The following NOL4L variants were observed in gnomAD, a reference collection of about 807,000 sequenced individuals.
NOL4L encodes the protein nucleolar protein 4 like, also known as nucleolar protein 4-like.
In NOL4L, 7 loss-of-function variants were observed where a neutral mutation model predicts 64.5. The observed-to-expected ratio is 0.11, with a 90% CI of 0.06 to 0.20. The LOEUF (loss-of-function observed/expected upper bound fraction) is 0.20, where lower values mean the gene tolerates loss of function less well. Among genes scored for constraint, NOL4L ranks in the 10% least tolerant of loss-of-function variants. The pLI is 1.00. For missense variants in NOL4L, 680 were observed against 967.1 expected (o/e 0.70, Z 3.94); for synonymous variants, 413 against 401.0 (o/e 1.03, Z -0.36).
At chr20:32,517,834 C>A (rs988585704) in intron 3 of NOL4L, among the ~76,000 whole-genome samples, 1 of 152,210 alleles carries the variant, frequency 6.6e-6, no homozygotes, top group African/African-American at 2.4e-5. Context: ...CCCTCACCAC[C>A]CTGAAAGGAT....
At position 32,578,138 on chromosome 20, in the gene NOL4L, A is replaced by AGGAGGGAG. The variant is rs1203991256; in HGVS notation, c.321+6424_321+6431dup. On this transcript the variant is annotated intron_variant, in intron 1 of 10. Coordinates refer to ENST00000621426, the MANE Select transcript of NOL4L (RefSeq NM_001256798.2). The stretch of plus-strand genomic sequence containing the variant: ...AAGGAAGGAAGGAAGGAAGGAAGGA[A>AGGAGGGAG]GGAGGGAGGGAGGGAGGGAGGGAGG... 2.3e-3 allele frequency among the ~76,000 whole-genome samples: 113 copies of AGGAGGGAG among 50,208 alleles called. 1 individual carries two copies. Among genetic ancestry groups the AGGAGGGAG allele is most frequent in the African/African-American group, 6.5e-3 (54 of 8,332 alleles). 32.9% of individuals were successfully genotyped at this position (50,208 alleles called of 152,430 possible).
At chr20:32,448,311 T>G (rs1600613236) in intron 10 of NOL4L, among the ~76,000 whole-genome samples, 1 of 151,978 alleles carries the variant, frequency 6.6e-6, no homozygotes, top group South Asian at 2.1e-4. Context: ...ACCTGAGAGA[T>G]GCGTGTGGGG....
chr20:32,527,999 AC>A, intron 1 of NOL4L, 86 bp from the exon 2 acceptor site: 1 of 1,077,754 alleles, frequency 9.3e-7, no homozygotes, highest in Non-Finnish European at 1.3e-6. Context: ...AGGGGTCAGG[AC>A]GGGCAATGCC....
intron 3 of NOL4L, among the ~76,000 whole-genome samples, chr20:32,513,915 A>G (rs568495759): frequency 6.6e-6 from 1 of 152,322 alleles, no homozygotes; most frequent in East Asian, 1.9e-4. Flanking sequence ...TTTTACCATA[A>G]TTTAAAAAGG....
chr20:32,549,400 A>G (rs1371158036), intron 1 of NOL4L, among the ~76,000 whole-genome samples: 1 of 152,182 alleles, frequency 6.6e-6, no homozygotes, highest in African/African-American at 2.4e-5. Flanking sequence ...TGCAAATCAA[A>G]ACCATGGTGA....
chr20:32,473,468 C>A (rs2015166709), intron 5 of NOL4L, among the ~76,000 whole-genome samples: 1 of 152,190 alleles, frequency 6.6e-6, no homozygotes, highest in South Asian at 2.1e-4. Flanking sequence ...AGCACAAAAG[C>A]CTTTTCTTTG....
chr20:32,468,850 G>A (rs1362654004), intron 5 of NOL4L, among the ~76,000 whole-genome samples: 1 of 136,040 alleles, frequency 7.4e-6, no homozygotes, highest in East Asian at 2.3e-4. Context: ...AGTGAGCCGA[G>A]ATTACACCAT....
At chr20:32,500,863 T>C (rs2016896914) in intron 4 of NOL4L, among the ~76,000 whole-genome samples, 1 of 152,182 alleles carries the variant, frequency 6.6e-6, no homozygotes, top group Admixed American at 6.5e-5. Flanking sequence ...AATGAAGAAG[T>C]ATTGAATGAT....
At chr20:32,550,811 C>T (rs1016253777) in intron 1 of NOL4L, among the ~76,000 whole-genome samples, 1 of 151,864 alleles carries the variant, frequency 6.6e-6, no homozygotes, top group African/African-American at 2.4e-5. Flanking sequence ...ACCCAGGAGG[C>T]AGAGGTTGCA....
At chr20:32,456,020 G>C in intron 6 of NOL4L, 98 bp downstream of exon 6, 2 of 1,306,782 alleles carry the variant, frequency 1.5e-6, no homozygotes. Flanking sequence ...CACACACATG[G>C]GCTGGCTCCA....
At chr20:32,536,241 G>C in intron 1 of NOL4L, 1 of 985,164 alleles carries the variant, frequency 1.0e-6, no homozygotes. Flanking sequence ...AGTCACCGAA[G>C]GGGGGGTCCT....
At chr20:32,492,198 T>G (rs1467858796) in intron 4 of NOL4L, among the ~76,000 whole-genome samples, 1 of 152,132 alleles carries the variant, frequency 6.6e-6, no homozygotes, top group East Asian at 1.9e-4. Context: ...TGTCCACCAA[T>G]GAAGGATGGA....
Position 32,454,490 on chromosome 20 carries a change from C to T in NOL4L, c.1120-729G>A, listed in dbSNP as rs1402172779. On this transcript the variant is annotated intron_variant, in intron 6 of 10. Coordinates refer to ENST00000621426, the MANE Select transcript of NOL4L (RefSeq NM_001256798.2). Reference sequence around the variant, plus strand: ...GGGCTCCAGCCCTCTGCTCCCACCACGAGTTTCTCCCTGGCCAAGCCCCTC... The same window carrying T: ...GGGCTCCAGCCCTCTGCTCCCACCATGAGTTTCTCCCTGGCCAAGCCCCTC... 2.6e-5 allele frequency among the ~76,000 whole-genome samples: 4 copies of T among 152,150 alleles called. No individual in the cohort carries two copies. The East Asian group carries it at 5.8e-4, about 22-fold the overall frequency.
intron 4 of NOL4L, among the ~76,000 whole-genome samples, chr20:32,507,428 C>T (rs2017181599): frequency 6.6e-6 from 1 of 152,152 alleles, no homozygotes; most frequent in African/African-American, 2.4e-5. Context: ...AATCTTTCTT[C>T]TTTCTGTGAA....
At chr20:32,490,900 GC>G (rs1262060675) in intron 4 of NOL4L, among the ~76,000 whole-genome samples, 3 of 152,238 alleles carry the variant, frequency 2.0e-5, no homozygotes, top group Non-Finnish European at 4.4e-5. Flanking sequence ...GGCCCCACTG[GC>G]CTGCTGGCCT....
At chr20:32,471,735 T>C (rs533144120) in intron 5 of NOL4L, among the ~76,000 whole-genome samples, 1 of 151,966 alleles carries the variant, frequency 6.6e-6, no homozygotes, top group African/African-American at 2.4e-5. Context: ...TCCTTATGAG[T>C]GGCTGGGTGC....
At chr20:32,578,177 A>AGGGG (rs1980248638) in intron 1 of NOL4L, among the ~76,000 whole-genome samples, 1 of 148,510 alleles carries the variant, frequency 6.7e-6, no homozygotes, top group Non-Finnish European at 1.5e-5. Flanking sequence ...GGAGGGAGGG[A>AGGGG]AGGAAGGAAA....
At chr20:32,461,421 CTTTT>C (rs869282447) in intron 5 of NOL4L, among the ~76,000 whole-genome samples, 1 of 58,344 alleles carries the variant, frequency 1.7e-5, no homozygotes, top group East Asian at 1.1e-3. Context: ...CCTTTCTTTT[CTTTT>C]TTTTTTTTTT....
At chr20:32,571,813 G>A (rs1026071192) in intron 1 of NOL4L, among the ~76,000 whole-genome samples, 21 of 152,314 alleles carry the variant, frequency 1.4e-4, no homozygotes, top group East Asian at 3.9e-4. Context: ...GGCCCCACCC[G>A]CTGAGGGCAG....
Sources: allele counts gnomAD v4.1 joint callset (sites outside exome capture counted in the v4.1 genomes callset), GRCh38; gene constraint gnomAD v4.1.1; transcripts MANE v1.5; gene names NCBI Gene and HGNC (gene_info 2026-07-23, HGNC 2026-07-21).